Variants in DMXL1 observed in about 807,000 individuals in gnomAD.
The protein encoded by DMXL1 is dmX-like protein 1.
A neutral mutation model predicts 319.2 loss-of-function variants in DMXL1; 99 were observed. That is an observed-to-expected ratio of 0.31 (90% CI 0.26 to 0.37). The LOEUF (loss-of-function observed/expected upper bound fraction) is 0.37. Ranked by LOEUF, DMXL1 falls within the 10% of genes least tolerant of loss-of-function variation. The pLI, the probability that DMXL1 is intolerant of heterozygous loss-of-function variation, is 1.00. For missense variants in DMXL1, 3,745 were observed against 3,595.6 expected (o/e 1.04, Z -1.06); for synonymous variants, 1,385 against 1,235.2 (o/e 1.12, Z -2.54).
intron 28 of DMXL1, among the ~76,000 whole-genome samples, chr5:119,187,859 C>A (rs546369788): frequency 6.6e-6 from 1 of 152,148 alleles, no homozygotes; most frequent in Non-Finnish European, 1.5e-5. Flanking sequence ...GGCAGGGTTT[C>A]ACCATGTTGG....
rs374931315 is a variant in DMXL1, at chr5:119,107,809, G to A, written c.365-2342G>A. On this transcript the variant is annotated intron_variant, in intron 4 of 43. Transcript: ENST00000539542. ...GTGCTTTTTTTTGGCCCCTGTCTAT[G>A]AAACCTTCTGTCTAGTTGCTCTACT... Among the ~76,000 whole-genome samples the A allele has an allele frequency of 4.2e-4, 64 of 152,212 alleles. 1 individual carries two copies. The South Asian group carries it at 0.013, about 32-fold the overall frequency.
At chr5:119,225,958 C>T (rs1785472960) in intron 38 of DMXL1, among the ~76,000 whole-genome samples, 1 of 152,060 alleles carries the variant, frequency 6.6e-6, no homozygotes, top group Admixed American at 6.6e-5. Context: ...CTTGATATTG[C>T]TTAAAACTAC....
intron 1 of DMXL1, chr5:119,081,726 C>T (rs1257416807): frequency 1.0e-6 from 1 of 985,062 alleles, no homozygotes; most frequent in Non-Finnish European, 1.2e-6. Context: ...TTCGTTTTAA[C>T]TAATGGGGAC....
Position 119,118,946 on chromosome 5 carries a change from T to A in DMXL1, c.875T>A (p.Leu292Ter). Residue 292 changes from leucine (L) to a stop codon, truncating the protein, a stop_gained, in exon 8 of 44, where the codon TTA becomes TAA. Coordinates refer to ENST00000539542, the MANE Select transcript of DMXL1 (RefSeq NM_001290321.3). LOFTEE classifies it high-confidence loss of function. ...DCSHWTESINLTNNFKRNASS... is the reference protein window; with the variant it reads ...DCSHWTESIN ...AGCCATTGGACTGAATCAATTAATT[T>A]AACAAATAACTTCAAGAGAAATGCT... is the stretch of plus-strand genomic sequence containing the variant. The A allele has an allele frequency of 6.2e-7, 1 of 1,613,594 alleles. No homozygotes were observed. The highest frequency in any genetic ancestry group is 8.5e-7 in the Non-Finnish European group (1 of 1,179,852).
At chr5:119,187,343 A>G (rs917581298) in intron 28 of DMXL1, among the ~76,000 whole-genome samples, 18 of 152,224 alleles carry the variant, frequency 1.2e-4, no homozygotes, top group African/African-American at 4.3e-4. Flanking sequence ...GGAATGGCAA[A>G]CGTTCTTGAT....
intron 26 of DMXL1, among the ~76,000 whole-genome samples, chr5:119,176,546 A>G (rs1405554565): frequency 6.6e-6 from 1 of 151,606 alleles, no homozygotes; most frequent in Non-Finnish European, 1.5e-5. Flanking sequence ...TTTTGTTGTT[A>G]CTCTGCCATC....
Position 119,150,032 on chromosome 5 carries a change from C to A in DMXL1, c.4205C>A (p.Ser1402Tyr). 2 of 1,613,940 alleles carry A rather than the reference C, an allele frequency of 1.2e-6. No individual in the cohort carries two copies. The highest frequency in any genetic ancestry group is 1.7e-6 in the Non-Finnish European group (2 of 1,179,904). The change falls in exon 18 of 44, where the codon TCT becomes TAT. Residue 1402 changes from serine (S) to tyrosine (Y), a missense_variant. This residue lies in a region of DMXL1 where 2,096 missense variants were observed against 1,985.4 expected (regional missense o/e 1.06). Coordinates refer to ENST00000539542, the MANE Select transcript of DMXL1 (RefSeq NM_001290321.3). ...AATACAGATTACACAGAAATAGATT[C>A]TGTTCCTCCACTTCCTTTATATGCC... ...AENTDYTEID[S>Y]VPPLPLYALL...
chr5:119,149,331 G>GGCTGGCAAGGTACAAGACCAA lies in DMXL1; in HGVS notation c.3505_3525dup (p.Ala1169_Gln1175dup). 6.2e-7 allele frequency: 1 copy of GGCTGGCAAGGTACAAGACCAA among 1,613,918 alleles called. No individual in the cohort carries two copies. Among genetic ancestry groups the GGCTGGCAAGGTACAAGACCAA allele is most frequent in the Non-Finnish European group, 8.5e-7 (1 of 1,179,886 alleles). ...CAAAACTTTTTATGTATGGACCCCT[G>GGCTGGCAAGGTACAAGACCAA]GCTGGCAAGGTACAAGACCAAACTG... On this transcript the variant is annotated inframe_insertion, in exon 18 of 44. Coordinates refer to ENST00000539542, the MANE Select transcript of DMXL1 (RefSeq NM_001290321.3).
chr5:119,211,861 G>A (rs1782857930), intron 34 of DMXL1, among the ~76,000 whole-genome samples: 1 of 152,108 alleles, frequency 6.6e-6, no homozygotes, highest in African/African-American at 2.4e-5. Flanking sequence ...TCCACTCTTG[G>A]AGCCTCATTT....
chr5:119,158,472 C>G (rs1056968536), intron 19 of DMXL1, among the ~76,000 whole-genome samples: 29 of 152,086 alleles, frequency 1.9e-4, no homozygotes, highest in African/African-American at 6.8e-4. Flanking sequence ...CTTTTTATTT[C>G]TTTCTCTTGT....
At chr5:119,099,496 C>T (rs988323394) in intron 2 of DMXL1, among the ~76,000 whole-genome samples, 15 of 152,244 alleles carry the variant, frequency 9.9e-5, no homozygotes, top group Admixed American at 3.3e-4. Flanking sequence ...TGAGCCACTG[C>T]GCCCAGCCTA....
At chr5:119,204,277 G>T (rs1169620874) in intron 33 of DMXL1, among the ~76,000 whole-genome samples, 1 of 152,064 alleles carries the variant, frequency 6.6e-6, no homozygotes, top group Non-Finnish European at 1.5e-5. Flanking sequence ...AGCTGGGACT[G>T]CAGATGAACG....
intron 40 of DMXL1, among the ~76,000 whole-genome samples, chr5:119,238,625 C>T (rs1027407206): frequency 5.9e-5 from 9 of 152,086 alleles, no homozygotes; most frequent in Non-Finnish European, 8.8e-5. Flanking sequence ...TTAAGTTTAA[C>T]CTCATGTTTT....
In DMXL1 at chr5:119,134,062, T is replaced by A; in HGVS notation, c.2138T>A (p.Val713Asp). The change falls in exon 12 of 44, where the codon GTT becomes GAT. Residue 713 changes from valine to aspartate, a missense_variant. By Grantham distance (152) the Val-to-Asp change is radical. Transcript: ENST00000539542. ...SELILWRVDP[V>D]GPLSFSGGVS... ...CTTATTCTGTGGAGGGTTGACCCAG[T>A]TGGGCCATTGTCTTTTTCTGGAGGA... 6.2e-7 allele frequency: 1 copy of A among 1,614,214 alleles called. No homozygotes were observed. Among genetic ancestry groups the A allele is most frequent in the Non-Finnish European group, 8.5e-7 (1 of 1,180,028 alleles).
intron 34 of DMXL1, among the ~76,000 whole-genome samples, chr5:119,208,145 T>A (rs1782077701): frequency 6.6e-6 from 1 of 152,018 alleles, no homozygotes; most frequent in Non-Finnish European, 1.5e-5. Flanking sequence ...AAACTTTTAA[T>A]CAGTTAACAA....
At chr5:119,181,912 TAG>T (rs774087923) in intron 28 of DMXL1, among the ~76,000 whole-genome samples, 5 of 152,114 alleles carry the variant, frequency 3.3e-5, no homozygotes, top group Non-Finnish European at 5.9e-5. Context: ...CACTGAAAAC[TAG>T]AGAGAGAAAA....
At position 119,147,444 on chromosome 5, in the gene DMXL1, A is replaced by T. The variant is rs751320222; in HGVS notation, c.2885A>T (p.Glu962Val). The change falls in exon 17 of 44, where the codon GAG becomes GTG. Residue 962 changes from glutamate (E) to valine (V), a missense_variant. This residue lies in a region of DMXL1 where 2,096 missense variants were observed against 1,985.4 expected (regional missense o/e 1.06). Coordinates refer to ENST00000539542, the MANE Select transcript of DMXL1 (RefSeq NM_001290321.3). Reference protein sequence around the residue: ...SQELHLPEGVEIISIKPSAGH... With the variant: ...SQELHLPEGVVIISIKPSAGH... ...GAATTGCATTTACCAGAAGGAGTTGAGATAATAAGTATTAAGCCATCAGCA... is the reference window on the plus strand; with the variant it reads ...GAATTGCATTTACCAGAAGGAGTTGTGATAATAAGTATTAAGCCATCAGCA... 1.9e-6 allele frequency: 3 copies of T among 1,613,266 alleles called. No individual in the cohort carries two copies. Among genetic ancestry groups the T allele is most frequent in the Non-Finnish European group, 2.5e-6 (3 of 1,179,558 alleles).
At chr5:119,107,533 A>G (rs1758623761) in intron 4 of DMXL1, among the ~76,000 whole-genome samples, 1 of 152,106 alleles carries the variant, frequency 6.6e-6, no homozygotes, top group Admixed American at 6.6e-5. Context: ...TCCTGCTTTA[A>G]TATCTGTAAT....
intron 42 of DMXL1, 135 bp from the exon 43 acceptor site, chr5:119,244,224 T>G: frequency 1.5e-6 from 1 of 683,496 alleles, no homozygotes. Flanking sequence ...ATCATTGGTT[T>G]TTATATTTCA....
Sources: gnomAD v4.1 joint callset for allele counts (sites outside exome capture counted in the v4.1 genomes callset) on GRCh38, gnomAD v4.1.1 for gene constraint, gnomAD v4.1.1 regional missense constraint, MANE v1.5 for transcripts, NCBI Gene and HGNC (gene_info 2026-07-23, HGNC 2026-07-21) for gene names.